The following ZHX3 variants were observed in gnomAD, a reference collection of about 807,000 sequenced individuals.
ZHX3 encodes zinc fingers and homeoboxes protein 3.
A neutral mutation model predicts 64.5 loss-of-function variants in ZHX3; 20 were observed. The ratio of observed to expected loss-of-function variants is 0.31; its 90% CI spans 0.22 to 0.45. The LOEUF (loss-of-function observed/expected upper bound fraction) is 0.45, where lower values mean the gene tolerates loss of function less well. Ranked by LOEUF, ZHX3 falls within the 20% of genes least tolerant of loss-of-function variation. The pLI, the probability that ZHX3 is intolerant of heterozygous loss-of-function variation, is 1.00. For synonymous variants in ZHX3, 423 were observed against 461.6 expected (o/e 0.92, Z 1.07); for missense variants, 1,041 against 1,195.8 (o/e 0.87, Z 1.91).
In ZHX3 at chr20:41,204,673, A is replaced by T; in HGVS notation, c.244T>A (p.Cys82Ser). ...GTCATGTCATGGGATCTGAAATCGC[A>T]GTATTTACAGGAATATAAATAGCCA... ...LDGYLYSCKYCDFRSHDMTQF... is the reference protein window; with the variant it reads ...LDGYLYSCKYSDFRSHDMTQF... Residue 82 changes from cysteine to serine, a missense_variant, in exon 3 of 4, where the codon TGC becomes AGC. Coordinates refer to ENST00000683867, the MANE Select transcript of ZHX3 (RefSeq NM_001384317.1). The surrounding 1 kb of genome is among the most constrained non-coding windows in gnomAD (Gnocchi z 6.6). 4 of 1,614,244 alleles carry T rather than the reference A, an allele frequency of 2.5e-6. No individual in the cohort carries two copies. In the South Asian group the frequency reaches 3.3e-5, roughly 13 times the overall value.
At chr20:41,310,474 A>G (rs1189864982) in intron 1 of ZHX3, among the ~76,000 whole-genome samples, 1 of 152,126 alleles carries the variant, frequency 6.6e-6, no homozygotes, top group African/African-American at 2.4e-5. Context: ...AGATATTCCA[A>G]CATGCGAGCT....
At chr20:41,297,212 A>C (rs909916754) in intron 1 of ZHX3, among the ~76,000 whole-genome samples, 1 of 152,182 alleles carries the variant, frequency 6.6e-6, no homozygotes, top group Non-Finnish European at 1.5e-5. Flanking sequence ...AGGATCTGAT[A>C]ATTCTAAAAT....
Position 41,185,444 on chromosome 20 carries a change from C to G in ZHX3, c.2861-243G>C, listed in dbSNP as rs1262404710. 1 of 589,914 alleles carries G rather than the reference C, an allele frequency of 1.7e-6. No individual in the cohort carries two copies. Among genetic ancestry groups the G allele is most frequent in the Admixed American group, 3.2e-5 (1 of 31,622 alleles). The allele number at this position is 589,914 out of a possible 1,614,324, so 36.5% of individuals were successfully genotyped here. On this transcript the variant is annotated intron_variant, in intron 3 of 3. Coordinates refer to ENST00000683867, the MANE Select transcript of ZHX3 (RefSeq NM_001384317.1). This position sits in a 1 kb window ranked among gnomAD's most constrained non-coding sequence, Gnocchi z 5.0. The stretch of plus-strand genomic sequence containing the variant: ...ACTCTCTGAGAGACCCTGCTAAACC[C>G]TAGGCCTAGCAGCAGGAGCAGTGGT...
At chr20:41,313,259 A>C (rs563928640) in intron 1 of ZHX3, among the ~76,000 whole-genome samples, 13 of 152,246 alleles carry the variant, frequency 8.5e-5, no homozygotes, top group African/African-American at 3.1e-4. Context: ...TCAGTTCTGA[A>C]CCTGTGAAAT....
At position 41,192,335 on chromosome 20, in the gene ZHX3, GTC is replaced by G. The variant is rs569008855; in HGVS notation, c.2861-7136_2861-7135del. On this transcript the variant is annotated intron_variant, in intron 3 of 3. Transcript: ENST00000683867. Reference sequence around the variant, plus strand: ...TGGTGGTGTAAAGCCAGGCTGGGCAGTCTCATCTTCAGGCTCCCTATGATGTG... The same window carrying G: ...TGGTGGTGTAAAGCCAGGCTGGGCAGTCATCTTCAGGCTCCCTATGATGTG... Among the ~76,000 whole-genome samples the G allele has an allele frequency of 7.1e-4, 108 of 152,356 alleles. 1 individual carries two copies. The highest frequency in any genetic ancestry group is 4.3e-3 in the South Asian group (21 of 4,830).
chr20:41,204,721 T>G lies in ZHX3; in HGVS notation c.196A>C (p.Asn66His), dbSNP rs1249297335. 1.9e-6 allele frequency: 3 copies of G among 1,614,160 alleles called. No individual in the cohort carries two copies. The highest frequency in any genetic ancestry group is 1.7e-6 in the Non-Finnish European group (2 of 1,180,052). The change falls in exon 3 of 4, where the codon AAT (asparagine) becomes CAT (histidine). Residue 66 changes from asparagine to histidine, a missense_variant. Asn to His is a moderately conservative substitution (Grantham distance 68). Transcript: ENST00000683867. The surrounding 1 kb of genome is among the most constrained non-coding windows in gnomAD (Gnocchi z 6.6). ...CCATCTAAAGTGCTCCGATGCCCAT[T>G]GGCCAGTGTAGAGCCATCAGTACTG... ...PSSTDGSTLA[N>H]GHRSTLDGYL... is the part of the protein sequence containing the mutation.
At chr20:41,266,909 G>A (rs558230735) in intron 2 of ZHX3, among the ~76,000 whole-genome samples, 98 of 120,422 alleles carry the variant, frequency 8.1e-4, no homozygotes, top group African/African-American at 3.0e-3. Context: ...CTGGAGTGCC[G>A]TCTCGGCTCA....
chr20:41,282,361 C>CTTTTTTTTTTTTTTTTTTTTTT (rs568284480), intron 1 of ZHX3, among the ~76,000 whole-genome samples: 21 of 97,210 alleles, frequency 2.2e-4, no homozygotes, highest in Non-Finnish European at 2.9e-4. Flanking sequence ...CACAATTCAT[C>CTTTTTTTTTTTTTTTTTTTTTT]TTTTTTTTTT....
intron 2 of ZHX3, among the ~76,000 whole-genome samples, chr20:41,262,480 G>A (rs908755377): frequency 3.3e-5 from 5 of 152,250 alleles, no homozygotes; most frequent in Middle Eastern, 6.8e-3. Context: ...ACAAAGCCCT[G>A]CTGGTACATA....
rs1017542120 is a variant in ZHX3 at position 41,201,389 on chromosome 20, A to G, written c.2860+668T>C. 8 of 1,302,652 alleles carry G rather than the reference A, an allele frequency of 6.1e-6. No homozygotes were observed. In the African/African-American group the frequency reaches 1.2e-4, roughly 20 times the overall value. The allele number at this position is 1,302,652 out of a possible 1,614,324, so 80.7% of individuals were successfully genotyped here. On this transcript the variant is annotated intron_variant, in intron 3 of 3. Coordinates refer to ENST00000683867, the MANE Select transcript of ZHX3 (RefSeq NM_001384317.1). This position sits in a 1 kb window ranked among gnomAD's most constrained non-coding sequence, Gnocchi z 5.0. ...GGGAACTCAGTGACCAGGAACCTAG[A>G]AAATCAACACGTAATAACATGACTT...
intron 2 of ZHX3, among the ~76,000 whole-genome samples, chr20:41,255,669 G>A (rs1435838944): frequency 6.6e-6 from 1 of 152,160 alleles, no homozygotes; most frequent in Non-Finnish European, 1.5e-5. Flanking sequence ...GCCTCTAGAG[G>A]AAGGGCCAGG....
chr20:41,185,188 A>C lies in ZHX3; in HGVS notation c.*3T>G. The C allele has an allele frequency of 6.2e-7, 1 of 1,609,464 alleles. No homozygotes were observed. The highest frequency in any genetic ancestry group is 1.7e-4 in the Middle Eastern group (1 of 6,050). ...CCAGTCCTTCACATTAATCAGATCA[A>C]ATTCAGTCTGTTTCTGAGAAGAAAA... On this transcript the variant is annotated 3_prime_UTR_variant, in exon 4 of 4. Coordinates refer to ENST00000683867, the MANE Select transcript of ZHX3 (RefSeq NM_001384317.1). This position sits in a 1 kb window ranked among gnomAD's most constrained non-coding sequence, Gnocchi z 5.0.
intron 1 of ZHX3, among the ~76,000 whole-genome samples, chr20:41,276,799 T>C (rs1032866496): frequency 6.6e-6 from 1 of 152,248 alleles, no homozygotes; most frequent in Non-Finnish European, 1.5e-5. Context: ...CTGGGGTTTA[T>C]GACATAGCTA....
chr20:41,198,507 G>A (rs1045844362), intron 3 of ZHX3, among the ~76,000 whole-genome samples: 3 of 148,390 alleles, frequency 2.0e-5, no homozygotes, highest in Admixed American at 1.3e-4. Flanking sequence ...TTTTTTTCAC[G>A]ACTTTAGATA....
intron 1 of ZHX3, among the ~76,000 whole-genome samples, chr20:41,313,309 A>C (rs11696467): frequency 0.048 from 7,265 of 152,272 alleles, 251 homozygotes; most frequent in South Asian, 0.1. Flanking sequence ...CTAAAACTGC[A>C]AGTCTGGAAC....
chr20:41,250,495 G>A (rs927907839), intron 2 of ZHX3, among the ~76,000 whole-genome samples: 10 of 152,210 alleles, frequency 6.6e-5, no homozygotes, highest in Admixed American at 6.5e-4. Context: ...ACCAACCTGG[G>A]CAACATGGCA....
intron 2 of ZHX3, among the ~76,000 whole-genome samples, chr20:41,256,126 A>C (rs8120184): frequency 6.6e-6 from 1 of 152,236 alleles, no homozygotes; most frequent in Non-Finnish European, 1.5e-5. Context: ...AAAAATAAAA[A>C]GCAAACTTAT....
chr20:41,263,683 G>A (rs2146580774), intron 2 of ZHX3, among the ~76,000 whole-genome samples: 1 of 152,218 alleles, frequency 6.6e-6, no homozygotes, highest in Non-Finnish European at 1.5e-5. Context: ...ACAGGCATGA[G>A]CCACCACTCC....
chr20:41,229,308 A>G (rs1199880956), intron 2 of ZHX3, among the ~76,000 whole-genome samples: 1 of 152,190 alleles, frequency 6.6e-6, no homozygotes. Context: ...CCATCTATCA[A>G]TGAACACTTG....
Sources: allele counts gnomAD v4.1 joint callset (sites outside exome capture counted in the v4.1 genomes callset), GRCh38; gene constraint gnomAD v4.1.1; non-coding constraint Gnocchi (gnomAD v3.1); transcripts MANE v1.5; gene names NCBI Gene and HGNC (gene_info 2026-07-23, HGNC 2026-07-21).